The following GRIA3 variants were observed in gnomAD, a reference collection of about 807,000 sequenced individuals.
GRIA3 encodes glutamate receptor 3.
Under a neutral mutation model 63.0 loss-of-function variants are expected in GRIA3, and 3 were observed. The observed-to-expected ratio is 0.05, with a 90% CI of 0.02 to 0.12. The LOEUF (loss-of-function observed/expected upper bound fraction) is 0.12. GRIA3 is among the 10% of genes least tolerant of loss of function. The pLI is 1.00. For missense variants in GRIA3, 347 were observed against 700.9 expected (o/e 0.50, Z 5.70); for synonymous variants, 274 against 257.9 (o/e 1.06, Z -0.60).
At chrX:123,440,135 T>C (rs752066900) in intron 12 of GRIA3, among the ~76,000 whole-genome samples, 29 of 112,540 alleles carry the variant, frequency 2.6e-4, no homozygotes, top group Non-Finnish European at 4.5e-4. Flanking sequence ...CTCGTTCTTT[T>C]TTATGGCTGC....
intron 12 of GRIA3, among the ~76,000 whole-genome samples, chrX:123,458,958 T>C (rs2045778092): frequency 8.9e-6 from 1 of 112,057 alleles, no homozygotes; most frequent in Non-Finnish European, 1.9e-5. Flanking sequence ...TCCGTAAATA[T>C]GGCACTGAAG....
At chrX:123,226,839 G>C (rs1227975698) in intron 2 of GRIA3, among the ~76,000 whole-genome samples, 1 of 111,591 alleles carries the variant, frequency 9.0e-6, no homozygotes, top group Admixed American at 9.5e-5. Context: ...TTATCCATGA[G>C]AACAGAAAGG....
At chrX:123,246,311 C>T (rs1236327025) in intron 2 of GRIA3, among the ~76,000 whole-genome samples, 1 of 111,903 alleles carries the variant, frequency 8.9e-6, no homozygotes, top group Non-Finnish European at 1.9e-5. Context: ...TCATACAGTT[C>T]TGTAGGTCAG....
At chrX:123,223,812 G>A (rs1043796381) in intron 2 of GRIA3, among the ~76,000 whole-genome samples, 1 of 112,120 alleles carries the variant, frequency 8.9e-6, no homozygotes. Context: ...AATAGAATCT[G>A]GCATGGCCTT....
chrX:123,266,194 C>T (rs1353573159), intron 3 of GRIA3, among the ~76,000 whole-genome samples: 2 of 111,807 alleles, frequency 1.8e-5, no homozygotes, highest in Non-Finnish European at 3.8e-5. Flanking sequence ...GATTCAAAAC[C>T]CTTCTCTATG....
chrX:123,368,995 A>G (rs1347909972), intron 5 of GRIA3, among the ~76,000 whole-genome samples: 1 of 111,527 alleles, frequency 9.0e-6, no homozygotes, highest in Non-Finnish European at 1.9e-5. Context: ...AAATTCCCAA[A>G]AGTGCAGACT....
chrX:123,391,950 C>T (rs1248511669), intron 5 of GRIA3, among the ~76,000 whole-genome samples: 1 of 111,762 alleles, frequency 8.9e-6, no homozygotes, highest in Non-Finnish European at 1.9e-5. Flanking sequence ...TCTCCAGGCC[C>T]CTGGACAGTT....
chrX:123,344,837 T>C (rs973612155), intron 4 of GRIA3, among the ~76,000 whole-genome samples: 1 of 111,665 alleles, frequency 9.0e-6, no homozygotes, highest in Admixed American at 9.5e-5. Context: ...GATCCCATCA[T>C]TGAGGGTCCT....
At chrX:123,263,504 G>A (rs1442336692) in intron 3 of GRIA3, among the ~76,000 whole-genome samples, 9 of 112,173 alleles carry the variant, frequency 8.0e-5, no homozygotes, top group African/African-American at 2.9e-4. Context: ...CATGTCAGGC[G>A]AGGAGGCTGA....
rs1413604718 is a variant in GRIA3 at position 123,489,461 on chromosome X, C to G, written c.*751C>G. ...CCACTCAAAGAAGAGATTTACAGAG[C>G]TTTCGAAATTGACTTTGTGTGTAGC... On this transcript the variant is annotated 3_prime_UTR_variant, in exon 16 of 16. Coordinates refer to ENST00000620443, the MANE Select transcript of GRIA3 (RefSeq NM_007325.5). 2 of 112,500 alleles carry G rather than the reference C, an allele frequency of 1.8e-5. No individual in the cohort carries two copies. Among genetic ancestry groups the G allele is most frequent in the Non-Finnish European group, 3.8e-5 (2 of 53,258 alleles). The allele number at this position is 112,500 out of a possible 1,213,427, so 9.3% of individuals were successfully genotyped here.
At chrX:123,212,924 T>C (rs1928074868) in intron 2 of GRIA3, among the ~76,000 whole-genome samples, 1 of 111,735 alleles carries the variant, frequency 8.9e-6, no homozygotes, top group Non-Finnish European at 1.9e-5. Flanking sequence ...CCCCAACCCC[T>C]GGTACCAGTT....
At chrX:123,303,454 C>T (rs1367788361) in intron 3 of GRIA3, among the ~76,000 whole-genome samples, 2 of 110,972 alleles carry the variant, frequency 1.8e-5, no homozygotes, top group Non-Finnish European at 3.8e-5. Flanking sequence ...GGTTGTCATC[C>T]ATTGATGAGA....
chrX:123,306,650 T>A, intron 3 of GRIA3, among the ~76,000 whole-genome samples: 1 of 111,855 alleles, frequency 8.9e-6, no homozygotes, highest in Non-Finnish European at 1.9e-5. Context: ...GATAGGAATG[T>A]CAAAAGGCTC....
chrX:123,381,012 A>G (rs772015698), intron 5 of GRIA3, among the ~76,000 whole-genome samples: 2 of 111,867 alleles, frequency 1.8e-5, no homozygotes, highest in Non-Finnish European at 3.8e-5. Context: ...AAAAAGTTCC[A>G]TGTTTTTAAA....
At position 123,184,761 on chromosome X, in the gene GRIA3, G is replaced by A. The variant is rs73636848; in HGVS notation, c.109+117G>A. Reference sequence around the variant, plus strand: ...TGCGTGGCCTGGGAACTGGGACTGGGGCCGGGACCGGGCAGAGATGGTGCG... The same window carrying A: ...TGCGTGGCCTGGGAACTGGGACTGGAGCCGGGACCGGGCAGAGATGGTGCG... On this transcript the variant is annotated intron_variant, in intron 1 of 15. Coordinates refer to ENST00000620443, the MANE Select transcript of GRIA3 (RefSeq NM_007325.5). 3.4e-3 allele frequency: 1,821 copies of A among 540,003 alleles called. 25 individuals carry two copies. In the African/African-American group the frequency reaches 0.038, roughly 11 times the overall value. 44.5% of individuals were successfully genotyped at this position (540,003 alleles called of 1,213,427 possible). A position where few individuals can be genotyped will look rare whatever the true frequency, so the allele number is the denominator to read the frequency against.
Position 123,253,524 on chromosome X carries a change from C to T in GRIA3, c.490C>T (p.Leu164Phe). 1 of 1,207,150 alleles carries T rather than the reference C, an allele frequency of 8.3e-7. No individual in the cohort carries two copies. The highest frequency in any genetic ancestry group is 1.1e-6 in the Non-Finnish European group (1 of 891,751). ...GHYKWEKFVY[L>F]YDTERGFSIL... is the part of the protein sequence containing the mutation. ...TTACAAGTGGGAGAAGTTTGTGTAC[C>T]TCTATGACACAGAACGAGGTAAGAA... Residue 164 changes from leucine to phenylalanine, a missense_variant, in exon 3 of 16, where the codon CTC (leucine) becomes TTC (phenylalanine). Transcript: ENST00000620443.
chrX:123,271,665 T>C (rs973474321), intron 3 of GRIA3, among the ~76,000 whole-genome samples: 2 of 112,413 alleles, frequency 1.8e-5, no homozygotes, highest in African/African-American at 6.5e-5. Flanking sequence ...TCATGTGCCA[T>C]GCTCTGGGCT....
intron 5 of GRIA3, among the ~76,000 whole-genome samples, chrX:123,389,090 T>C (rs2045369767): frequency 1.8e-5 from 2 of 112,565 alleles, no homozygotes; most frequent in Non-Finnish European, 1.9e-5. Flanking sequence ...ATATTTGATA[T>C]GATTTTGATA....
At chrX:123,460,396 T>C (rs1049605409) in intron 12 of GRIA3, among the ~76,000 whole-genome samples, 6 of 111,639 alleles carry the variant, frequency 5.4e-5, no homozygotes, top group African/African-American at 2.0e-4. Flanking sequence ...TCTTTATAAA[T>C]GCACAAAAAT....
Sources: gnomAD v4.1 joint callset for allele counts (sites outside exome capture counted in the v4.1 genomes callset) on GRCh38, gnomAD v4.1.1 for gene constraint, MANE v1.5 for transcripts, NCBI Gene and HGNC (gene_info 2026-07-23, HGNC 2026-07-21) for gene names.